The following CREB3L1 variants were observed in gnomAD, a reference collection of about 807,000 sequenced individuals.
CREB3L1 encodes the protein cyclic AMP-responsive element-binding protein 3-like protein 1.
A neutral mutation model predicts 54.5 loss-of-function variants in CREB3L1; 33 were observed. The observed-to-expected ratio is 0.61, with a 90% CI of 0.46 to 0.81. CREB3L1 has a LOEUF of 0.81. Among genes scored for constraint, CREB3L1 ranks in the 30% least tolerant of loss-of-function variants. The pLI is 0.00. For synonymous variants in CREB3L1, 284 were observed against 286.4 expected (o/e 0.99, Z 0.08); for missense variants, 656 against 673.3 (o/e 0.97, Z 0.29).
intron 2 of CREB3L1, 125 bp downstream of exon 2, chr11:46,300,288 A>C: frequency 1.4e-6 from 1 of 708,316 alleles, no homozygotes; most frequent in Non-Finnish European, 2.4e-6. Context: ...GAGCCACCAC[A>C]AACCCCTTAG....
At position 46,320,882 on chromosome 11, in the gene CREB3L1, C is replaced by T; in HGVS notation, c.*136C>T. 1 of 910,560 alleles carries T rather than the reference C, an allele frequency of 1.1e-6. No homozygotes were observed. 56.4% of individuals were successfully genotyped at this position (910,560 alleles called of 1,614,324 possible). On this transcript the variant is annotated 3_prime_UTR_variant, in exon 12 of 12. Transcript: ENST00000621158. ...AGGAGAAAAGGCTCCACTTCCCAGC[C>T]CTTCCTTGCCCCTGACATTTGGACT...
At chr11:46,300,670 A>G (rs1007483816) in intron 2 of CREB3L1, among the ~76,000 whole-genome samples, 4 of 151,444 alleles carry the variant, frequency 2.6e-5, no homozygotes, top group Non-Finnish European at 5.9e-5. Flanking sequence ...GGAGTTCGAG[A>G]CCAGCCTGGC....
At chr11:46,300,723 G>A (rs888140061) in intron 2 of CREB3L1, among the ~76,000 whole-genome samples, 16 of 151,914 alleles carry the variant, frequency 1.1e-4, no homozygotes, top group African/African-American at 3.4e-4. Flanking sequence ...AAAAAATACA[G>A]GGCCGGGCGC....
chr11:46,319,851 C>T (rs527974787), intron 10 of CREB3L1, among the ~76,000 whole-genome samples: 1 of 150,734 alleles, frequency 6.6e-6, no homozygotes, highest in South Asian at 2.1e-4. Context: ...TGCACTCCAG[C>T]CTGGGCGACA....
At chr11:46,308,081 T>G in intron 3 of CREB3L1, 81 bp downstream of exon 3, 2 of 1,261,122 alleles carry the variant, frequency 1.6e-6, no homozygotes, top group Non-Finnish European at 2.2e-6. Context: ...CAAAGCCCTG[T>G]GCCCTGGGGC....
chr11:46,309,521 T>C (rs899235317), intron 3 of CREB3L1, among the ~76,000 whole-genome samples: 1 of 152,234 alleles, frequency 6.6e-6, no homozygotes, highest in Non-Finnish European at 1.5e-5. Context: ...TAGATTCTAC[T>C]TCTATTTATA....
intron 2 of CREB3L1, among the ~76,000 whole-genome samples, chr11:46,303,903 GC>G (rs1245943765): frequency 6.6e-6 from 1 of 152,108 alleles, no homozygotes; most frequent in Non-Finnish European, 1.5e-5. Flanking sequence ...CTACCTAAGA[GC>G]CTGAGGCAGG....
At chr11:46,302,168 AAATAATAATAATAATAATAAT>A (rs61146206) in intron 2 of CREB3L1, among the ~76,000 whole-genome samples, 15 of 135,628 alleles carry the variant, frequency 1.1e-4, no homozygotes, top group Non-Finnish European at 1.6e-4. Context: ...GCTCCGTCTC[AAATAATAATAATAATAATAAT>A]AATAATAATA....
chr11:46,296,497 G>T (rs1939213443), intron 1 of CREB3L1, among the ~76,000 whole-genome samples: 1 of 152,136 alleles, frequency 6.6e-6, no homozygotes, highest in South Asian at 2.1e-4. Context: ...GCAGGGGACC[G>T]TCGGGGAGCT....
intron 1 of CREB3L1, among the ~76,000 whole-genome samples, chr11:46,282,008 A>T (rs1306633316): frequency 1.3e-5 from 2 of 152,204 alleles, no homozygotes; most frequent in African/African-American, 4.8e-5. Context: ...CGTTTTGAGC[A>T]GAGGTTTGAT....
chr11:46,305,784 C>T (rs1759688400), intron 2 of CREB3L1, among the ~76,000 whole-genome samples: 2 of 147,360 alleles, frequency 1.4e-5, no homozygotes, highest in African/African-American at 5.0e-5. Context: ...GTCGCCCAGG[C>T]TGGAGTGCAG....
intron 1 of CREB3L1, among the ~76,000 whole-genome samples, chr11:46,279,279 G>A (rs1436337721): frequency 6.6e-6 from 1 of 152,100 alleles, no homozygotes; most frequent in African/African-American, 2.4e-5. Context: ...CAAGTCCTTA[G>A]AGGACTTGAG....
At chr11:46,291,044 G>A (rs771412155) in intron 1 of CREB3L1, among the ~76,000 whole-genome samples, 1 of 152,214 alleles carries the variant, frequency 6.6e-6, no homozygotes, top group Admixed American at 6.5e-5. Context: ...GGGCAATGGA[G>A]GAAATGCTTG....
chr11:46,283,532 A>G (rs1939010035), intron 1 of CREB3L1, among the ~76,000 whole-genome samples: 1 of 152,180 alleles, frequency 6.6e-6, no homozygotes, highest in African/African-American at 2.4e-5. Context: ...ATATTTGTAG[A>G]GAAAATTACT....
At chr11:46,292,315 C>T (rs907397013) in intron 1 of CREB3L1, among the ~76,000 whole-genome samples, 19 of 152,154 alleles carry the variant, frequency 1.2e-4, no homozygotes, top group Non-Finnish European at 2.6e-4. Context: ...CCTGGAGGCT[C>T]TCTGCTACAG....
At chr11:46,281,047 A>T (rs991248852) in intron 1 of CREB3L1, among the ~76,000 whole-genome samples, 3 of 152,244 alleles carry the variant, frequency 2.0e-5, no homozygotes, top group Non-Finnish European at 2.9e-5. Flanking sequence ...GTGAGTACAC[A>T]AAGTCAAGAC....
chr11:46,294,259 G>C (rs150154435), intron 1 of CREB3L1, among the ~76,000 whole-genome samples: 1 of 152,130 alleles, frequency 6.6e-6, no homozygotes, highest in African/African-American at 2.4e-5. Context: ...TGGGGGCTGA[G>C]AGTGAGGTCG....
At chr11:46,297,772 T>C (rs1231470188) in intron 1 of CREB3L1, among the ~76,000 whole-genome samples, 2 of 152,206 alleles carry the variant, frequency 1.3e-5, no homozygotes, top group Admixed American at 6.5e-5. Flanking sequence ...AGGCTTTGTT[T>C]GGAGGGAAAG....
At position 46,306,365 on chromosome 11, in the gene CREB3L1, A is replaced by G. The variant is rs149570732; in HGVS notation, c.332-1451A>G. On this transcript the variant is annotated intron_variant, in intron 2 of 11. Coordinates refer to ENST00000621158, the MANE Select transcript of CREB3L1 (RefSeq NM_052854.4). ...AAAAAAATACAAAAATTAGCTGGGC[A>G]TGGTGGCATGCGCCTGTAGTCCCAG... is the stretch of plus-strand genomic sequence containing the variant. 4.4e-3 allele frequency among the ~76,000 whole-genome samples: 663 copies of G among 152,254 alleles called. 3 individuals carry two copies. The highest frequency in any genetic ancestry group is 0.014 in the African/African-American group (564 of 41,548).
Sources: gnomAD v4.1 joint callset for allele counts (sites outside exome capture counted in the v4.1 genomes callset) on GRCh38, gnomAD v4.1.1 for gene constraint, MANE v1.5 for transcripts, NCBI Gene and HGNC (gene_info 2026-07-23, HGNC 2026-07-21) for gene names.